TPRX1: variants seen among roughly 807,000 people sequenced by gnomAD.
TPRX1 encodes tetra-peptide repeat homeobox protein 1.
Under a neutral mutation model 8.1 loss-of-function variants are expected in TPRX1, and 2 were observed. The observed-to-expected ratio is 0.25, with a 90% CI of 0.10 to 0.78. TPRX1 has a LOEUF of 0.78. Ranked by LOEUF, TPRX1 falls within the 30% of genes least tolerant of loss-of-function variation. TPRX1 has a pLI of 0.70. For synonymous variants in TPRX1, 257 were observed against 254.1 expected, an observed-to-expected ratio of 1.01 and a Z score of -0.11; for missense variants, 517 against 586.9, an observed-to-expected ratio of 0.88 and a Z score of 1.23.
At chr19:47,810,254 CAAAAAAAAAAAAAA>C (rs767070353) in intron 2 of TPRX1, among the ~76,000 whole-genome samples, 1 of 21,394 alleles carries the variant, frequency 4.7e-5, no homozygotes, top group Non-Finnish European at 8.2e-5. Flanking sequence ...GACTCCATCT[CAAAAAAAAAAAAAA>C]AAAAAAAAAA....
At chr19:47,804,975 G>A (rs959480074) in intron 2 of TPRX1, among the ~76,000 whole-genome samples, 3 of 152,180 alleles carry the variant, frequency 2.0e-5, no homozygotes, top group Non-Finnish European at 4.4e-5. Flanking sequence ...ACTCCTCCTG[G>A]CTCCTGGGCT....
intron 2 of TPRX1, among the ~76,000 whole-genome samples, chr19:47,813,662 G>A (rs1185557751): frequency 1.3e-5 from 2 of 151,288 alleles, no homozygotes; most frequent in Non-Finnish European, 2.9e-5. Context: ...TGTCCCTTGT[G>A]GGGTCCCAGT....
intron 2 of TPRX1, among the ~76,000 whole-genome samples, chr19:47,815,622 A>T (rs1462671280): frequency 1.4e-5 from 2 of 146,632 alleles, no homozygotes; most frequent in Admixed American, 1.4e-4. Context: ...CAGCCTGGGC[A>T]ACATAATGAG....
At chr19:47,805,721 A>C (rs1967729978) in intron 2 of TPRX1, among the ~76,000 whole-genome samples, 3 of 152,228 alleles carry the variant, frequency 2.0e-5, no homozygotes. Context: ...CTTCATCTAC[A>C]GGACATGCTG....
At chr19:47,802,963 G>A in exon 4 of TPRX1, 1 of 1,539,314 alleles carries the variant, frequency 6.5e-7, no homozygotes, top group Non-Finnish European at 8.7e-7. Flanking sequence ...GTTTGGCGCG[G>A]CGATTCTTGA....
intron 2 of TPRX1, among the ~76,000 whole-genome samples, chr19:47,804,778 T>C (rs1244835523): frequency 6.6e-6 from 1 of 152,218 alleles, no homozygotes; most frequent in Non-Finnish European, 1.5e-5. Flanking sequence ...ACAGCCTTGG[T>C]TTCACCCTCA....
chr19:47,801,562 A>G (rs1369345673), exon 4 of TPRX1: 6 of 571,812 alleles, frequency 1.0e-5, no homozygotes, highest in Admixed American at 7.0e-5. Context: ...AGCGACTCCA[A>G]TCCCAGCAGA....
At chr19:47,807,351 C>T (rs1599952871) in intron 2 of TPRX1, among the ~76,000 whole-genome samples, 2 of 152,008 alleles carry the variant, frequency 1.3e-5, no homozygotes, top group South Asian at 2.1e-4. Context: ...CCAGCGTGCC[C>T]GGCCTGAATT....
intron 2 of TPRX1, among the ~76,000 whole-genome samples, chr19:47,815,120 A>ATATG (rs1555799995): frequency 1.2e-5 from 1 of 86,228 alleles, no homozygotes; most frequent in Non-Finnish European, 2.3e-5. Context: ...TAAATTATAT[A>ATATG]TATATATATA....
At chr19:47,801,771 C>A (rs758305952) in exon 4 of TPRX1, 28 of 1,606,194 alleles carry the variant, frequency 1.7e-5, no homozygotes, top group Non-Finnish European at 2.2e-5. Flanking sequence ...CAGGCACAGG[C>A]CCCCTATAAA....
At chr19:47,810,816 T>A (rs1460693172) in intron 2 of TPRX1, among the ~76,000 whole-genome samples, 1 of 151,772 alleles carries the variant, frequency 6.6e-6, no homozygotes. Context: ...GAGGGGCACA[T>A]GGGCAACAAG....
chr19:47,809,128 G>T lies in TPRX1; in HGVS notation c.152-5455C>A, dbSNP rs181079723. Among the ~76,000 whole-genome samples the T allele has an allele frequency of 3.9e-5, 6 of 152,188 alleles. 1 individual carries two copies. The highest frequency in any genetic ancestry group is 3.9e-4 in the Admixed American group (6 of 15,260). On this transcript the variant is annotated intron_variant, in intron 2 of 3. Coordinates refer to ENST00000535759, the Ensembl canonical transcript of TPRX1. The stretch of plus-strand genomic sequence containing the variant: ...TGTCTGTAATAGGAAAAGCTCAAAG[G>T]TGCTGAGTAATAATGTACTAAATGA...
chr19:47,814,366 T>C (rs1967812389), intron 2 of TPRX1, among the ~76,000 whole-genome samples: 1 of 140,790 alleles, frequency 7.1e-6, no homozygotes, highest in Non-Finnish European at 1.6e-5. Flanking sequence ...ACATTGTTGA[T>C]TTTTAAGGTT....
At chr19:47,808,950 G>A (rs1371304440) in intron 2 of TPRX1, among the ~76,000 whole-genome samples, 1 of 152,208 alleles carries the variant, frequency 6.6e-6, no homozygotes. Flanking sequence ...GTTTAAGAAA[G>A]GGATGAAGTG....
intron 1 of TPRX1, chr19:47,818,838 C>A: frequency 3.3e-6 from 1 of 301,490 alleles, no homozygotes; most frequent in South Asian, 3.2e-5. Context: ...TGGTTTGCTG[C>A]ACCCATTAAC....
At chr19:47,809,220 T>C (rs543806970) in intron 2 of TPRX1, among the ~76,000 whole-genome samples, 64 of 152,334 alleles carry the variant, frequency 4.2e-4, no homozygotes, top group Middle Eastern at 3.4e-3. Flanking sequence ...AATGTACACA[T>C]TTAATAAGCA....
At chr19:47,807,867 GT>G (rs143824918) in intron 2 of TPRX1, among the ~76,000 whole-genome samples, 7 of 151,596 alleles carry the variant, frequency 4.6e-5, no homozygotes, top group East Asian at 3.9e-4. Flanking sequence ...ATTTTTGGAG[GT>G]TTTTTTTTGA....
intron 2 of TPRX1, among the ~76,000 whole-genome samples, chr19:47,808,171 A>G (rs146939334): frequency 0.11 from 17,189 of 151,714 alleles, 1,107 homozygotes; most frequent in South Asian, 0.16. Context: ...CTGGAGTGCA[A>G]TGGCGCGATC....
At chr19:47,810,724 TCCTG>T (rs1362507822) in intron 2 of TPRX1, among the ~76,000 whole-genome samples, 1 of 152,050 alleles carries the variant, frequency 6.6e-6, no homozygotes, top group Non-Finnish European at 1.5e-5. Context: ...TCATCTTTGC[TCCTG>T]CCCCCAAGAG....
Sources: gnomAD v4.1 joint callset for allele counts (sites outside exome capture counted in the v4.1 genomes callset) on GRCh38, gnomAD v4.1.1 for gene constraint, MANE v1.5 for transcripts, NCBI Gene and HGNC (gene_info 2026-07-23, HGNC 2026-07-21) for gene names.